Variants in RMDN1 observed in about 807,000 individuals in gnomAD.
RMDN1 encodes the protein regulator of microtubule dynamics protein 1.
A neutral mutation model predicts 48.9 loss-of-function variants in RMDN1; 48 were observed. The observed-to-expected ratio is 0.98, with a 90% CI of 0.78 to 1.25. The LOEUF is 1.25. Ranked by LOEUF, RMDN1 falls within the 50% of genes most tolerant of loss-of-function variation. The probability of loss-of-function intolerance (pLI) is 0.00; values close to 1 mark genes in which losing one functional copy is unlikely to be tolerated. For missense variants in RMDN1, 418 were observed against 373.4 expected (o/e 1.12, Z -0.98); for synonymous variants, 148 against 132.6 (o/e 1.12, Z -0.80).
At position 86,486,122 on chromosome 8, in the gene RMDN1, T is replaced by C. The variant is rs376762812; in HGVS notation, c.495+362A>G. Among the ~76,000 whole-genome samples the C allele has an allele frequency of 5.3e-5, 8 of 152,272 alleles. 1 individual carries two copies. The highest frequency in any genetic ancestry group is 3.9e-4 in the East Asian group (2 of 5,178). ...CTCTAAATAAAACAGAAATATAACG[T>C]AAGGAAAATGAGAAAACATCTGTGA... On this transcript the variant is annotated intron_variant, in intron 4 of 9. Coordinates refer to ENST00000406452, the MANE Select transcript of RMDN1 (RefSeq NM_016033.3).
At position 86,486,549 on chromosome 8, in the gene RMDN1, A is replaced by T. The variant is rs1311893798; in HGVS notation, c.430T>A (p.Tyr144Asn). 6.2e-7 allele frequency: 1 copy of T among 1,612,290 alleles called. No individual in the cohort carries two copies. Among genetic ancestry groups the T allele is most frequent in the East Asian group, 2.2e-5 (1 of 44,862 alleles). ...CTTTTTGCATACTCTAGGGCTTCATACACCAATAGCTTTTTCTCCTCTTCT... is the reference window on the plus strand; with the variant it reads ...CTTTTTGCATACTCTAGGGCTTCATTCACCAATAGCTTTTTCTCCTCTTCT... Reference protein sequence around the residue: ...TSEEEKKLLVYEALEYAKRAL... With the variant: ...TSEEEKKLLVNEALEYAKRAL... Residue 144 changes from tyrosine to asparagine, a missense_variant, in exon 4 of 10, where the codon TAT becomes AAT. Coordinates refer to ENST00000406452, the MANE Select transcript of RMDN1 (RefSeq NM_016033.3).
intron 8 of RMDN1, among the ~76,000 whole-genome samples, chr8:86,477,044 G>T (rs987396747): frequency 3.3e-5 from 5 of 152,100 alleles, no homozygotes; most frequent in African/African-American, 1.2e-4. Flanking sequence ...GTCAGAGACT[G>T]CTCTCACAAA....
intron 2 of RMDN1, among the ~76,000 whole-genome samples, chr8:86,501,914 T>G (rs376236062): frequency 6.8e-6 from 1 of 147,550 alleles, no homozygotes; most frequent in South Asian, 2.1e-4. Flanking sequence ...TCTTCATAAA[T>G]ACATTTAAAA....
rs1448039032 is a variant in RMDN1 at position 86,475,914 on chromosome 8, G to A, written c.761-961C>T. Among the ~76,000 whole-genome samples, 3 of 152,272 alleles carry A rather than the reference G, an allele frequency of 2.0e-5. No homozygotes were observed. In the South Asian group the frequency reaches 6.2e-4, roughly 32 times the overall value. ...ACAGATTTGCCAAGCATTGTGCCAAGTAATGAGTGTGCAATTGTGAGCCAG... is the reference window on the plus strand; with the variant it reads ...ACAGATTTGCCAAGCATTGTGCCAAATAATGAGTGTGCAATTGTGAGCCAG... On this transcript the variant is annotated intron_variant, in intron 8 of 9. Transcript: ENST00000406452.
At chr8:86,482,945 C>T (rs1396699348) in intron 5 of RMDN1, 3 of 805,614 alleles carry the variant, frequency 3.7e-6, no homozygotes, top group African/African-American at 1.7e-5. Flanking sequence ...TGGGCTCGGA[C>T]GAGGTCCCCG....
At chr8:86,503,959 G>A (rs1387004482) in intron 2 of RMDN1, 7 of 761,792 alleles carry the variant, frequency 9.2e-6, no homozygotes. Context: ...CTTGGTTATT[G>A]GCCTCTTCTG....
intron 5 of RMDN1, among the ~76,000 whole-genome samples, chr8:86,483,956 C>G (rs1293704785): frequency 6.6e-6 from 1 of 151,550 alleles, no homozygotes; most frequent in Non-Finnish European, 1.5e-5. Context: ...TAATAAAACA[C>G]ACATACAATA....
intron 2 of RMDN1, chr8:86,505,498 A>C (rs1400044805): frequency 2.6e-6 from 1 of 388,962 alleles, no homozygotes; most frequent in East Asian, 7.5e-5. Flanking sequence ...CACCTTCCTC[A>C]CTTCCATATA....
downstream of RMDN1, chr8:86,470,089 G>T (rs1442115905): frequency 9.8e-6 from 11 of 1,125,548 alleles, no homozygotes; most frequent in Non-Finnish European, 1.3e-5. Context: ...GGTTCTTATA[G>T]AATCACGGCC....
upstream of RMDN1, among the ~76,000 whole-genome samples, chr8:86,509,880 G>GT (rs1442984040): frequency 6.6e-6 from 1 of 152,158 alleles, no homozygotes; most frequent in African/African-American, 2.4e-5. Flanking sequence ...AAACCTAGCT[G>GT]TTTTTTCCCA....
chr8:86,474,437 G>A (rs936283176), intron 9 of RMDN1, 79 bp from the exon 10 acceptor site: 1 of 1,240,256 alleles, frequency 8.1e-7, no homozygotes. Context: ...TATAAAGTGG[G>A]GTTTCTAAGA....
intron 8 of RMDN1, 80 bp downstream of exon 8, chr8:86,477,214 T>A: frequency 9.8e-7 from 1 of 1,025,358 alleles, no homozygotes; most frequent in Non-Finnish European, 1.4e-6. Flanking sequence ...AACAACTGCT[T>A]TAGACATTGC....
chr8:86,484,200 A>C (rs1563605785), intron 5 of RMDN1, among the ~76,000 whole-genome samples: 1 of 152,204 alleles, frequency 6.6e-6, no homozygotes, highest in East Asian at 1.9e-4. Context: ...TTCCCATGGA[A>C]CACTCATTCT....
At chr8:86,504,130 C>A (rs761606136) in intron 2 of RMDN1, 4 of 1,200,544 alleles carry the variant, frequency 3.3e-6, no homozygotes, top group Non-Finnish European at 5.0e-6. Context: ...GTCTGAAGAG[C>A]TATGGCCGGT....
At position 86,507,069 on chromosome 8, in the gene RMDN1, G is replaced by A. The variant is rs371190357; in HGVS notation, c.173C>T (p.Ser58Leu). Residue 58 changes from serine to leucine, a missense_variant, in exon 2 of 10, where the codon TCA becomes TTA. Ser to Leu is a moderately radical substitution (Grantham distance 145). Coordinates refer to ENST00000406452, the MANE Select transcript of RMDN1 (RefSeq NM_016033.3). Reference protein sequence around the residue: ...PGTFKRGLLLSALSYLGFETY... With the variant: ...PGTFKRGLLLLALSYLGFETY... ...TTCAAAACCCAAATACGACAAAGCTGAGAGTAAAAGGCCTCTTTTGAAAGT... is the reference window on the plus strand; with the variant it reads ...TTCAAAACCCAAATACGACAAAGCTAAGAGTAAAAGGCCTCTTTTGAAAGT... The A allele has an allele frequency of 2.5e-6, 4 of 1,612,862 alleles. No homozygotes were observed. Among genetic ancestry groups the A allele is most frequent in the African/African-American group, 2.7e-5 (2 of 74,894 alleles).
intron 8 of RMDN1, among the ~76,000 whole-genome samples, chr8:86,476,605 A>G (rs747110256): frequency 6.6e-6 from 1 of 152,224 alleles, no homozygotes. Flanking sequence ...CAAAACAAAC[A>G]TAACCCGAAA....
chr8:86,487,541 T>C (rs961649858), intron 3 of RMDN1, among the ~76,000 whole-genome samples: 4 of 152,106 alleles, frequency 2.6e-5, no homozygotes, highest in Non-Finnish European at 2.9e-5. Flanking sequence ...TGAGCCAAGA[T>C]TGCGCCATTG....
chr8:86,512,724 A>AGTAAGCAATCAGGAT (rs6150687), upstream of RMDN1, among the ~76,000 whole-genome samples: 1 of 152,036 alleles, frequency 6.6e-6, no homozygotes, highest in Non-Finnish European at 1.5e-5. Flanking sequence ...CAATGCACAT[A>AGTAAGCAATCAGGAT]GTGTTTGTTG....
At position 86,505,049 on chromosome 8, in the gene RMDN1, GACC is replaced by G. The variant is rs1563661675; in HGVS notation, c.247+1943_247+1945del. 139 of 1,444,700 alleles carry G rather than the reference GACC, an allele frequency of 9.6e-5. 1 individual carries two copies. In the South Asian group the frequency reaches 1.6e-3, roughly 16 times the overall value. 89.5% of individuals were successfully genotyped at this position (1,444,700 alleles called of 1,614,324 possible). On this transcript the variant is annotated intron_variant, in intron 2 of 9. Transcript: ENST00000406452. ...TGAACAGCATCCAGGCTGCTAAGGA[GACC>G]ACCACCAATGTCTAAGTCATGCCTC...
Sources: gnomAD v4.1 joint callset for allele counts (sites outside exome capture counted in the v4.1 genomes callset) on GRCh38, gnomAD v4.1.1 for gene constraint, MANE v1.5 for transcripts, NCBI Gene and HGNC (gene_info 2026-07-23, HGNC 2026-07-21) for gene names.